The following PPARGC1A variants were observed in gnomAD, a reference collection of about 807,000 sequenced individuals.
The protein encoded by PPARGC1A is PPARG coactivator 1 alpha.
PPARGC1A carries 25 observed loss-of-function variants against 88.7 expected under a neutral mutation model. The ratio of observed to expected loss-of-function variants is 0.28; its 90% confidence interval spans 0.21 to 0.39. The LOEUF is 0.39. Among genes scored for constraint, PPARGC1A ranks in the 10% least tolerant of loss-of-function variants. The pLI is 1.00. For missense variants in PPARGC1A, 880 were observed against 968.7 expected (o/e 0.91, Z 1.22); for synonymous variants, 363 against 355.6 (o/e 1.02, Z -0.24).
the PPARGC1A span, among the ~76,000 whole-genome samples, chr4:24,438,879 A>G: frequency 2.6e-5 from 4 of 152,084 alleles, no homozygotes; most frequent in Admixed American, 2.0e-4. Flanking sequence ...CATTAGTCAA[A>G]TAAAAAAATA....
chr4:23,899,497 TTAA>T (rs1560536985), upstream of PPARGC1A, among the ~76,000 whole-genome samples: 2 of 152,256 alleles, frequency 1.3e-5, no homozygotes, highest in Non-Finnish European at 2.9e-5. Context: ...TAAATATTAA[TTAA>T]TGTGAAATAA....
chr4:24,249,130 T>C, the PPARGC1A span, among the ~76,000 whole-genome samples: 1 of 152,132 alleles, frequency 6.6e-6, no homozygotes, highest in African/African-American at 2.4e-5. Context: ...TTGCCTGCAG[T>C]CTGTCAAATG....
upstream of PPARGC1A, among the ~76,000 whole-genome samples, chr4:23,891,727 C>T (rs1485358845): frequency 6.6e-6 from 1 of 152,134 alleles, no homozygotes; most frequent in Non-Finnish European, 1.5e-5. Flanking sequence ...TACAGTTCAC[C>T]AGCACATTTT....
chr4:23,820,655 T>G (rs1260454390), intron 7 of PPARGC1A: 3 of 437,842 alleles, frequency 6.9e-6, no homozygotes, highest in South Asian at 4.9e-5. Flanking sequence ...AAGAGAAGAG[T>G]TTTTTTATCA....
chr4:24,119,779 C>G, the PPARGC1A span, among the ~76,000 whole-genome samples: 23 of 152,260 alleles, frequency 1.5e-4, no homozygotes, highest in Middle Eastern at 3.4e-3. Flanking sequence ...GTGTAAGCCA[C>G]TCTCTACCCA....
chr4:24,271,198 A>G, the PPARGC1A span, among the ~76,000 whole-genome samples: 1 of 152,178 alleles, frequency 6.6e-6, no homozygotes, highest in Non-Finnish European at 1.5e-5. Flanking sequence ...GCAGGGGTCT[A>G]CTGCTCTAGT....
the PPARGC1A span, among the ~76,000 whole-genome samples, chr4:24,069,657 A>T: frequency 1.3e-5 from 2 of 152,214 alleles, no homozygotes; most frequent in African/African-American, 4.8e-5. Context: ...GGGTTTTCAA[A>T]ACAGGTTGAA....
the PPARGC1A span, among the ~76,000 whole-genome samples, chr4:24,317,387 AG>A: frequency 6.6e-6 from 1 of 151,770 alleles, no homozygotes; most frequent in African/African-American, 2.4e-5. Context: ...GAAATGTCAA[AG>A]GTGCTACAGT....
At chr4:24,065,189 A>T in the PPARGC1A span, among the ~76,000 whole-genome samples, 1 of 152,116 alleles carries the variant, frequency 6.6e-6, no homozygotes, top group Admixed American at 6.5e-5. Flanking sequence ...CGCGTAGATC[A>T]GTCCCTTCTA....
chr4:23,928,919 G>A, the PPARGC1A span, among the ~76,000 whole-genome samples: 1 of 152,016 alleles, frequency 6.6e-6, no homozygotes, highest in African/African-American at 2.4e-5. Context: ...TAAGGGAGCT[G>A]AACAATGAGA....
the PPARGC1A span, among the ~76,000 whole-genome samples, chr4:24,424,794 T>C: frequency 6.6e-6 from 1 of 152,234 alleles, no homozygotes; most frequent in Non-Finnish European, 1.5e-5. Context: ...CTATATAATG[T>C]GTGCTTAGAT....
chr4:24,165,366 A>C, the PPARGC1A span, among the ~76,000 whole-genome samples: 10 of 152,198 alleles, frequency 6.6e-5, no homozygotes, highest in Non-Finnish European at 1.5e-4. Context: ...TTTTCAATTT[A>C]CAAACGTTTT....
chr4:24,448,077 C>T, the PPARGC1A span, among the ~76,000 whole-genome samples: 83 of 152,336 alleles, frequency 5.4e-4, no homozygotes, highest in Non-Finnish European at 9.3e-4. Context: ...CCTTAACGAG[C>T]TACTAAACTT....
chr4:24,278,767 T>C, the PPARGC1A span, among the ~76,000 whole-genome samples: 1 of 152,146 alleles, frequency 6.6e-6, no homozygotes, highest in African/African-American at 2.4e-5. Context: ...GTGAGCTTTG[T>C]AAGGAAAACA....
At chr4:24,022,616 G>C in the PPARGC1A span, among the ~76,000 whole-genome samples, 2 of 152,146 alleles carry the variant, frequency 1.3e-5, no homozygotes, top group African/African-American at 2.4e-5. Context: ...GGTGAGACAG[G>C]AGCAGGGCCT....
the PPARGC1A span, among the ~76,000 whole-genome samples, chr4:24,182,605 C>T: frequency 3.3e-5 from 5 of 152,240 alleles, no homozygotes; most frequent in East Asian, 9.7e-4. Context: ...CTAATTTACA[C>T]TCCCACCAAC....
the PPARGC1A span, among the ~76,000 whole-genome samples, chr4:24,114,495 G>A: frequency 1.3e-5 from 2 of 152,192 alleles, no homozygotes; most frequent in East Asian, 1.9e-4. Flanking sequence ...AGACAGTGTG[G>A]TAAGTGAGTG....
the PPARGC1A span, among the ~76,000 whole-genome samples, chr4:24,444,714 T>A: frequency 6.6e-6 from 1 of 152,178 alleles, no homozygotes; most frequent in Non-Finnish European, 1.5e-5. Flanking sequence ...TCTGGGATAG[T>A]AGCCTGAGTG....
the PPARGC1A span, among the ~76,000 whole-genome samples, chr4:24,402,022 C>T: frequency 1.3e-5 from 2 of 152,180 alleles, no homozygotes; most frequent in Non-Finnish European, 2.9e-5. Context: ...ACCCACTCCG[C>T]GGCTGCTCTG....
Sources: allele counts gnomAD v4.1 joint callset (sites outside exome capture counted in the v4.1 genomes callset), GRCh38; gene constraint gnomAD v4.1.1; transcripts MANE v1.5; gene names NCBI Gene and HGNC (gene_info 2026-07-23, HGNC 2026-07-21).